The following ALK variants were observed in gnomAD, a reference collection of about 807,000 sequenced individuals.
ALK encodes the protein ALK tyrosine kinase receptor.
ALK carries 74 observed loss-of-function variants against 163.1 expected under a neutral mutation model. The observed-to-expected ratio is 0.45, with a 90% CI of 0.38 to 0.55. ALK has a LOEUF of 0.55. ALK is among the 20% of genes least tolerant of loss of function. The pLI, the probability that ALK is intolerant of heterozygous loss-of-function variation, is 0.00. For synonymous variants in ALK, 960 were observed against 843.2 expected (o/e 1.14, Z -2.40); for missense variants, 2,063 against 2,105.3 (o/e 0.98, Z 0.39).
intron 4 of ALK, among the ~76,000 whole-genome samples, chr2:29,486,244 G>C (rs1432494601): frequency 6.6e-6 from 1 of 152,014 alleles, no homozygotes; most frequent in African/African-American, 2.4e-5. Context: ...ATTAATAATG[G>C]AGAATCTTGT....
rs1664026396 is a variant in ALK at position 29,227,120 on chromosome 2, C to G, written c.2915-46G>C. The G allele has an allele frequency of 6.2e-7, 1 of 1,613,436 alleles. No individual in the cohort carries two copies. The highest frequency in any genetic ancestry group is 8.5e-7 in the Non-Finnish European group (1 of 1,179,658). The stretch of plus-strand genomic sequence containing the variant: ...TCAGTCTTGGGCCGAGCCTGCCTCC[C>G]CACTCCCAGCCTCAGTACTATGTCT... On this transcript the variant is annotated intron_variant, in intron 17 of 28. Coordinates refer to ENST00000389048, the MANE Select transcript of ALK (RefSeq NM_004304.5). The surrounding 1 kb of genome is among the most constrained non-coding windows in gnomAD (Gnocchi z 4.4).
intron 8 of ALK, among the ~76,000 whole-genome samples, chr2:29,297,948 T>C (rs552952347): frequency 4.6e-5 from 7 of 152,338 alleles, no homozygotes; most frequent in African/African-American, 1.2e-4. Flanking sequence ...ATATGTCTTA[T>C]GGTAAACTGG....
At chr2:29,734,136 C>A (rs1679823692) in intron 1 of ALK, among the ~76,000 whole-genome samples, 1 of 152,152 alleles carries the variant, frequency 6.6e-6, no homozygotes, top group Non-Finnish European at 1.5e-5. Flanking sequence ...AGATCCAACA[C>A]TGGGCCCAGG....
chr2:29,275,149 A>C lies in ALK; in HGVS notation c.1991T>G (p.Leu664Arg). ...TCTTGGTGAATTTTCCCCGGGTTTC[A>C]GCTCCTTGTTTGGGTTTCTCTCAAA... ...NLFERNPNKELKPGENSPRQT... is the reference protein window; with the variant it reads ...NLFERNPNKERKPGENSPRQT... Residue 664 changes from leucine (L) to arginine (R), a missense_variant, in exon 11 of 29, where the codon CTG (leucine) becomes CGG (arginine). Physicochemically the swap from Leu to Arg is moderately radical, Grantham distance 102. Transcript: ENST00000389048. 1 of 1,614,126 alleles carries C rather than the reference A, an allele frequency of 6.2e-7. No homozygotes were observed. The highest frequency in any genetic ancestry group is 8.5e-7 in the Non-Finnish European group (1 of 1,180,038).
At chr2:29,857,461 T>C (rs571998691) in intron 1 of ALK, among the ~76,000 whole-genome samples, 8 of 152,262 alleles carry the variant, frequency 5.3e-5, no homozygotes, top group African/African-American at 1.9e-4. Flanking sequence ...TGGCATATAA[T>C]AGTGTAGTCA....
intron 3 of ALK, among the ~76,000 whole-genome samples, chr2:29,589,744 T>C (rs1674993781): frequency 6.6e-6 from 1 of 152,210 alleles, no homozygotes; most frequent in Admixed American, 6.5e-5. Context: ...CCCCATTTTA[T>C]GGATGAGTAA....
intron 1 of ALK, among the ~76,000 whole-genome samples, chr2:29,785,684 A>G (rs763548355): frequency 6.6e-6 from 1 of 152,186 alleles, no homozygotes; most frequent in Non-Finnish European, 1.5e-5. Context: ...AAGAAAGTAG[A>G]TGGGGTTGAA....
intron 3 of ALK, among the ~76,000 whole-genome samples, chr2:29,671,782 T>G (rs1358591103): frequency 6.6e-6 from 1 of 152,036 alleles, no homozygotes; most frequent in Non-Finnish European, 1.5e-5. Context: ...TCTCAGTGCT[T>G]TGGTTTTGAT....
chr2:29,883,093 G>A (rs781608659), intron 1 of ALK, among the ~76,000 whole-genome samples: 19 of 150,296 alleles, frequency 1.3e-4, no homozygotes, highest in Admixed American at 6.0e-4. Flanking sequence ...AAGGGAGAGA[G>A]GAAGGAGGAA....
intron 3 of ALK, among the ~76,000 whole-genome samples, chr2:29,587,710 G>T (rs1177209480): frequency 6.6e-6 from 1 of 152,172 alleles, no homozygotes; most frequent in Non-Finnish European, 1.5e-5. Context: ...CGGGTGAGGG[G>T]AGAGTTTTAG....
intron 3 of ALK, among the ~76,000 whole-genome samples, chr2:29,676,174 C>T (rs890157581): frequency 6.6e-6 from 1 of 151,936 alleles, no homozygotes; most frequent in East Asian, 1.9e-4. Flanking sequence ...CTAATGGTGT[C>T]TTTTAGAACA....
chr2:29,795,218 T>C (rs1364002889), intron 1 of ALK, among the ~76,000 whole-genome samples: 3 of 151,866 alleles, frequency 2.0e-5, no homozygotes, highest in Non-Finnish European at 4.4e-5. Flanking sequence ...CTAACAAATA[T>C]GAAAAGTTGT....
chr2:29,216,973 TGGTGTGTGTGTGGCATGTGA>T (rs1203181362), intron 23 of ALK, among the ~76,000 whole-genome samples: 1 of 143,892 alleles, frequency 6.9e-6, no homozygotes. Context: ...GGTGTGTGCG[TGGTGTGTGTGTGGCATGTGA>T]GGTGTGTGTG....
chr2:29,211,585 T>A (rs1272751441), intron 24 of ALK, among the ~76,000 whole-genome samples: 1 of 152,096 alleles, frequency 6.6e-6, no homozygotes, highest in African/African-American at 2.4e-5. Flanking sequence ...GTGAGGAAGT[T>A]CCACTCTGAA....
At position 29,529,013 on chromosome 2, in the gene ALK, A is replaced by G. The variant is rs79596471; in HGVS notation, c.1154+2902T>C. 7.9e-3 allele frequency among the ~76,000 whole-genome samples: 1,198 copies of G among 152,302 alleles called. 19 individuals are homozygous for G. Among genetic ancestry groups the G allele is most frequent in the African/African-American group, 0.028 (1,162 of 41,546 alleles). On this transcript the variant is annotated intron_variant, in intron 4 of 28. Coordinates refer to ENST00000389048, the MANE Select transcript of ALK (RefSeq NM_004304.5). ...GGCCACTCATGCTCTGTGATTCATT[A>G]GACCTCATATACTCTGCTGCTTTCC...
At chr2:29,857,356 C>T (rs1266292730) in intron 1 of ALK, among the ~76,000 whole-genome samples, 1 of 152,014 alleles carries the variant, frequency 6.6e-6, no homozygotes, top group Non-Finnish European at 1.5e-5. Context: ...AGACTGGACC[C>T]CAGGGGATTC....
intron 4 of ALK, among the ~76,000 whole-genome samples, chr2:29,401,045 C>T (rs115841887): frequency 0.011 from 1,650 of 152,152 alleles, 29 homozygotes; most frequent in African/African-American, 0.037. Context: ...GCTCTGGTTA[C>T]AGAGTTATGC....
chr2:29,451,304 C>A (rs1197764337), intron 4 of ALK, among the ~76,000 whole-genome samples: 1 of 152,144 alleles, frequency 6.6e-6, no homozygotes, highest in Non-Finnish European at 1.5e-5. Flanking sequence ...GCACACTGAC[C>A]AATCTTTCTT....
chr2:29,302,003 C>T (rs533568246), intron 8 of ALK, among the ~76,000 whole-genome samples: 1 of 152,292 alleles, frequency 6.6e-6, no homozygotes, highest in Admixed American at 6.5e-5. Context: ...GAGCTCCTGC[C>T]CTCATGGAGC....
Sources: allele counts gnomAD v4.1 joint callset (sites outside exome capture counted in the v4.1 genomes callset), GRCh38; gene constraint gnomAD v4.1.1; non-coding constraint Gnocchi (gnomAD v3.1); transcripts MANE v1.5; gene names NCBI Gene and HGNC (gene_info 2026-07-23, HGNC 2026-07-21).